The following CORO2B variants were observed in gnomAD, a reference collection of about 807,000 sequenced individuals.
CORO2B encodes coronin-2B.
CORO2B carries 26 observed loss-of-function variants against 58.8 expected under a neutral mutation model. That is an observed-to-expected ratio of 0.44 (90% confidence interval 0.32 to 0.61). CORO2B has a LOEUF of 0.61. CORO2B is among the 20% of genes least tolerant of loss of function. The pLI is 0.04. For missense variants in CORO2B, 460 were observed against 645.1 expected (o/e 0.71, Z 3.11); for synonymous variants, 242 against 253.8 (o/e 0.95, Z 0.44).
chr15:68,617,791 G>T (rs1022294399), intron 1 of CORO2B, among the ~76,000 whole-genome samples: 7 of 152,140 alleles, frequency 4.6e-5, no homozygotes, highest in African/African-American at 1.7e-4. Context: ...ACCTCAACTT[G>T]AAATCCCCAG....
rs1276590983 is a variant in CORO2B at position 68,726,065 on chromosome 15, C to T, written c.*91C>T. ...CTTACCAGTGACCCCAGAGACAGAG[C>T]CAGGACAGGAGTGGGGGCCAGCCTG... On this transcript the variant is annotated 3_prime_UTR_variant, in exon 12 of 12. Transcript: ENST00000261861. 1.9e-6 allele frequency: 3 copies of T among 1,546,104 alleles called. No homozygotes were observed. The highest frequency in any genetic ancestry group is 2.7e-5 in the African/African-American group (2 of 73,096).
intron 3 of CORO2B, among the ~76,000 whole-genome samples, chr15:68,703,736 C>G (rs1049908678): frequency 6.6e-6 from 1 of 152,146 alleles, no homozygotes; most frequent in African/African-American, 2.4e-5. Context: ...CCCTAAGTCA[C>G]TAGCAGTCAT....
At chr15:68,629,962 G>A (rs922243062) in intron 1 of CORO2B, among the ~76,000 whole-genome samples, 1 of 152,198 alleles carries the variant, frequency 6.6e-6, no homozygotes, top group African/African-American at 2.4e-5. Flanking sequence ...TAATGCCCCT[G>A]CCAGAGGCAC....
chr15:68,527,181 G>T, the CORO2B span, among the ~76,000 whole-genome samples: 15,588 of 152,114 alleles, frequency 0.1, 844 homozygotes, highest in Middle Eastern at 0.17. Context: ...TTCTATTATG[G>T]CAGCCCTAAC....
chr15:68,652,305 G>A (rs1901668428), intron 2 of CORO2B, among the ~76,000 whole-genome samples: 1 of 152,160 alleles, frequency 6.6e-6, no homozygotes, highest in Admixed American at 6.5e-5. Flanking sequence ...TGCAGATGGG[G>A]GAGCAATCAG....
At position 68,710,527 on chromosome 15, in the gene CORO2B, C is replaced by T. The variant is rs755089670; in HGVS notation, c.334-205C>T. On this transcript the variant is annotated intron_variant, in intron 3 of 11. Transcript: ENST00000261861. This position sits in a 1 kb window ranked among gnomAD's most constrained non-coding sequence, Gnocchi z 4.1. ...GAGACTTCCCAGAGAAAACCTCCCA[C>T]AGGCAGAGAGATGGTCTCCTTCCTC... Among the ~76,000 whole-genome samples, 4 of 152,220 alleles carry T rather than the reference C, an allele frequency of 2.6e-5. No homozygotes were observed. The highest frequency in any genetic ancestry group is 5.9e-5 in the Non-Finnish European group (4 of 68,028).
At chr15:68,717,599 C>T (rs1018533268) in intron 8 of CORO2B, among the ~76,000 whole-genome samples, 1 of 152,196 alleles carries the variant, frequency 6.6e-6, no homozygotes, top group African/African-American at 2.4e-5. Flanking sequence ...CCTGTGACCA[C>T]TATTGAGCAT....
At chr15:68,694,865 T>C (rs6494761) in intron 2 of CORO2B, among the ~76,000 whole-genome samples, 151,784 of 152,342 alleles carry the variant, frequency 1, 75,617 homozygotes, top group Middle Eastern at 1. Context: ...ACCTTTTCCT[T>C]ATTTGCAGAG....
chr15:68,524,586 G>A, the CORO2B span, among the ~76,000 whole-genome samples: 2 of 152,146 alleles, frequency 1.3e-5, no homozygotes, highest in Admixed American at 1.3e-4. Flanking sequence ...AGAAAGTAGG[G>A]ATATTTTTTC....
chr15:68,561,384 C>T, the CORO2B span, among the ~76,000 whole-genome samples: 37 of 152,116 alleles, frequency 2.4e-4, no homozygotes, highest in African/African-American at 5.1e-4. Context: ...CCTCCCTCCC[C>T]GACTCTCCCC....
At chr15:68,724,768 C>CAA (rs1893252424) in intron 11 of CORO2B, among the ~76,000 whole-genome samples, 1 of 152,032 alleles carries the variant, frequency 6.6e-6, no homozygotes, top group African/African-American at 2.4e-5. Context: ...AGTTTGAGAC[C>CAA]AAACACAATT....
chr15:68,585,143 A>G (rs1269457653), intron 1 of CORO2B, among the ~76,000 whole-genome samples: 2 of 152,190 alleles, frequency 1.3e-5, no homozygotes, highest in Admixed American at 6.5e-5. Flanking sequence ...TACAGAATAC[A>G]TACATGGGTT....
At chr15:68,610,122 T>C (rs1048219420) in intron 1 of CORO2B, among the ~76,000 whole-genome samples, 1 of 152,156 alleles carries the variant, frequency 6.6e-6, no homozygotes, top group African/African-American at 2.4e-5. Context: ...GTAGTAGGCA[T>C]TGAACGATGC....
chr15:68,647,823 C>T (rs1273240935), intron 2 of CORO2B, among the ~76,000 whole-genome samples: 2 of 143,362 alleles, frequency 1.4e-5, no homozygotes, highest in Non-Finnish European at 3.0e-5. Flanking sequence ...GTCTGGGCAA[C>T]ATAGTGAGGC....
chr15:68,725,755 G>A (rs1893279535), intron 11 of CORO2B, 88 bp from the exon 12 acceptor site: 4 of 1,550,478 alleles, frequency 2.6e-6, no homozygotes, highest in South Asian at 1.1e-5. Context: ...GGCACGGGCG[G>A]CAGGCAGCTG....
intron 1 of CORO2B, among the ~76,000 whole-genome samples, chr15:68,600,270 C>T (rs903260154): frequency 1.3e-5 from 2 of 152,220 alleles, no homozygotes; most frequent in African/African-American, 4.8e-5. Context: ...CCGTGGAGGC[C>T]TGGCTCCAGT....
chr15:68,660,357 T>A (rs1901973682), intron 2 of CORO2B, among the ~76,000 whole-genome samples: 1 of 152,184 alleles, frequency 6.6e-6, no homozygotes, highest in Non-Finnish European at 1.5e-5. Context: ...GTCTGTTAGC[T>A]CTTAAGCTTC....
At position 68,719,178 on chromosome 15, in the gene CORO2B, C is replaced by T. The variant is rs1275170816; in HGVS notation, c.1115C>T (p.Thr372Ile). Residue 372 changes from threonine to isoleucine, a missense_variant, in exon 10 of 12, where the codon ACA becomes ATA. Physicochemically the swap from Thr to Ile is moderately conservative, Grantham distance 89 (BLOSUM62 -1). This residue lies in a region of CORO2B where 352 missense variants were observed against 543.0 expected (regional missense o/e 0.65). Coordinates refer to ENST00000261861, the MANE Select transcript of CORO2B (RefSeq NM_006091.5). ...TACCAGGAAGACATTTACCCAATGACACCAGGCACGGAGCCAGCACTGACC... is the reference window on the plus strand; with the variant it reads ...TACCAGGAAGACATTTACCCAATGATACCAGGCACGGAGCCAGCACTGACC... ...DSYQEDIYPM[T>I]PGTEPALTPD... 6.2e-7 allele frequency: 1 copy of T among 1,614,142 alleles called. No individual in the cohort carries two copies. Among genetic ancestry groups the T allele is most frequent in the Non-Finnish European group, 8.5e-7 (1 of 1,180,012 alleles).
In CORO2B at chr15:68,645,276, C is replaced by T. The variant is rs1566994233; in HGVS notation, c.132C>T (p.His44=). 1 of 1,614,224 alleles carries T rather than the reference C, an allele frequency of 6.2e-7. No homozygotes were observed. Among genetic ancestry groups the T allele is most frequent in the African/African-American group, 1.3e-5 (1 of 75,070 alleles). ...TCACCAAGAATGTGCACGACAACCA[C>T]TTCTGTGCCGTCAACACCCGCTTCC... ...IPITKNVHDN[H]FCAVNTRFLA... Residue 44 remains histidine (H), a synonymous_variant, in exon 2 of 12, where the codon CAC becomes CAT. Coordinates refer to ENST00000261861, the MANE Select transcript of CORO2B (RefSeq NM_006091.5). This position sits in a 1 kb window ranked among gnomAD's most constrained non-coding sequence, Gnocchi z 4.5.
Sources: allele counts gnomAD v4.1 joint callset (sites outside exome capture counted in the v4.1 genomes callset), GRCh38; gene constraint gnomAD v4.1.1; regional missense constraint gnomAD v4.1.1; non-coding constraint Gnocchi (gnomAD v3.1); transcripts MANE v1.5; gene names NCBI Gene and HGNC (gene_info 2026-07-23, HGNC 2026-07-21).